AHCYL2: variants seen among roughly 807,000 people sequenced by gnomAD.
AHCYL2 encodes the protein S-adenosylhomocysteine hydrolase-like protein 2.
AHCYL2 carries 28 observed loss-of-function variants against 81.4 expected under a neutral mutation model. The ratio of observed to expected loss-of-function variants is 0.34; its 90% CI spans 0.25 to 0.47. The LOEUF is 0.47. Among genes scored for constraint, AHCYL2 ranks in the 20% least tolerant of loss-of-function variants. The pLI is 1.00. For synonymous variants in AHCYL2, 272 were observed against 290.2 expected, an observed-to-expected ratio of 0.94 and a Z score of 0.64; for missense variants, 551 against 785.1, an observed-to-expected ratio of 0.70 and a Z score of 3.56.
At chr7:129,363,664 A>C (rs1480914592) in intron 1 of AHCYL2, among the ~76,000 whole-genome samples, 5 of 152,008 alleles carry the variant, frequency 3.3e-5, no homozygotes, top group African/African-American at 1.2e-4. Flanking sequence ...CAGCCTCCTG[A>C]GTAGCTGAGA....
intron 2 of AHCYL2, among the ~76,000 whole-genome samples, chr7:129,384,890 G>A (rs1413742490): frequency 6.6e-6 from 1 of 152,152 alleles, no homozygotes; most frequent in Non-Finnish European, 1.5e-5. Context: ...GCAGAACCCA[G>A]GTTGAAAAAC....
chr7:129,382,515 G>A (rs1312119821), intron 2 of AHCYL2, among the ~76,000 whole-genome samples: 3 of 152,152 alleles, frequency 2.0e-5, no homozygotes, highest in Non-Finnish European at 4.4e-5. Flanking sequence ...CATGAGAATC[G>A]CTTGAACCCA....
At chr7:129,355,782 C>A (rs1383137639) in intron 1 of AHCYL2, among the ~76,000 whole-genome samples, 1 of 151,958 alleles carries the variant, frequency 6.6e-6, no homozygotes, top group Non-Finnish European at 1.5e-5. Context: ...AGTATTTTAC[C>A]CTTGGATGTA....
chr7:129,230,573 C>CTT (rs536458674), intron 1 of AHCYL2, among the ~76,000 whole-genome samples: 15 of 135,062 alleles, frequency 1.1e-4, no homozygotes, highest in African/African-American at 1.3e-4. Context: ...CCTTCTAAAT[C>CTT]TTTTTTTTTT....
intron 1 of AHCYL2, among the ~76,000 whole-genome samples, chr7:129,243,871 G>GCATGAGCCACCATGCCTGGCCTTCA (rs2150693159): frequency 6.6e-6 from 1 of 152,282 alleles, no homozygotes; most frequent in African/African-American, 2.4e-5. Flanking sequence ...GGGATTACAG[G>GCATGAGCCACCATGCCTGGCCTTCA]CATGAGCCAC....
intron 5 of AHCYL2, among the ~76,000 whole-genome samples, chr7:129,397,535 A>G (rs1175056912): frequency 6.6e-6 from 1 of 152,212 alleles, no homozygotes; most frequent in Non-Finnish European, 1.5e-5. Flanking sequence ...ACAAATATCT[A>G]CCTATGTCTA....
intron 1 of AHCYL2, among the ~76,000 whole-genome samples, chr7:129,231,275 AG>A (rs1794428620): frequency 6.6e-6 from 1 of 152,120 alleles, no homozygotes; most frequent in South Asian, 2.1e-4. Flanking sequence ...TAGGAGCTGA[AG>A]TTGCAGTTGT....
chr7:129,321,743 G>GTTTTTTTTTTTTTTTTT, intron 1 of AHCYL2, among the ~76,000 whole-genome samples: 96 of 77,588 alleles, frequency 1.2e-3, no homozygotes, highest in Middle Eastern at 9.6e-3. Flanking sequence ...TTCTTTCTTT[G>GTTTTTTTTTTTTTTTTT]TTTTTTTTTT....
At chr7:129,411,728 C>G (rs990662950) in intron 11 of AHCYL2, among the ~76,000 whole-genome samples, 2 of 145,542 alleles carry the variant, frequency 1.4e-5, no homozygotes, top group African/African-American at 5.0e-5. Context: ...CATTGCACTC[C>G]AGCCTGGGCA....
In AHCYL2 at chr7:129,424,854, TCTTCAC is replaced by T; in HGVS notation, c.1561-16_1561-11del. 1.2e-6 allele frequency: 2 copies of T among 1,612,264 alleles called. No homozygotes were observed. The highest frequency in any genetic ancestry group is 1.7e-6 in the Non-Finnish European group (2 of 1,179,908). On this transcript the variant is annotated splice_polypyrimidine_tract_variant and intron_variant, in intron 13 of 16. Coordinates refer to ENST00000325006, the MANE Select transcript of AHCYL2 (RefSeq NM_015328.4). ...GCGACTTTGTCCTAATCCATTTGTGTCTTCACCTTTGATCACTAGGGCCGCCTGCTG... is the reference window on the plus strand; with the variant it reads ...GCGACTTTGTCCTAATCCATTTGTGTCTTTGATCACTAGGGCCGCCTGCTG...
intron 1 of AHCYL2, among the ~76,000 whole-genome samples, chr7:129,282,932 C>T (rs1796500111): frequency 6.6e-6 from 1 of 152,112 alleles, no homozygotes; most frequent in South Asian, 2.1e-4. Flanking sequence ...TCCCCAGGAT[C>T]CTTGGAATAC....
chr7:129,410,144 C>T (rs1468514932), intron 11 of AHCYL2: 56 of 1,591,914 alleles, frequency 3.5e-5, no homozygotes, highest in Middle Eastern at 1.7e-4. Context: ...TTGAGATGAA[C>T]GATTATTGGG....
chr7:129,395,516 A>G (rs1385855317), intron 4 of AHCYL2, among the ~76,000 whole-genome samples: 2 of 152,186 alleles, frequency 1.3e-5, no homozygotes, highest in African/African-American at 4.8e-5. Flanking sequence ...CTTACTTTGT[A>G]TCAGTGAACT....
At chr7:129,334,259 T>G (rs940979531) in intron 1 of AHCYL2, among the ~76,000 whole-genome samples, 7 of 152,240 alleles carry the variant, frequency 4.6e-5, no homozygotes, top group Non-Finnish European at 7.3e-5. Context: ...TAATCTGGGC[T>G]GTGGGAAGAT....
chr7:129,375,768 G>T (rs35464810), intron 1 of AHCYL2: 78 of 1,507,562 alleles, frequency 5.2e-5, no homozygotes, highest in Non-Finnish European at 6.8e-5. Flanking sequence ...CAAAAAGCTG[G>T]CTGGAACCAG....
chr7:129,229,228 C>T (rs1213509824), intron 1 of AHCYL2, among the ~76,000 whole-genome samples: 3 of 152,088 alleles, frequency 2.0e-5, no homozygotes, highest in Non-Finnish European at 4.4e-5. Flanking sequence ...CCACCATGCC[C>T]GGCTAATTTT....
intron 1 of AHCYL2, among the ~76,000 whole-genome samples, chr7:129,299,760 A>G (rs1797194307): frequency 6.6e-6 from 1 of 152,186 alleles, no homozygotes; most frequent in South Asian, 2.1e-4. Flanking sequence ...TACCTGTTCC[A>G]TCTCATCACC....
intron 1 of AHCYL2, among the ~76,000 whole-genome samples, chr7:129,296,206 A>G (rs932352621): frequency 2.3e-4 from 35 of 152,194 alleles, no homozygotes; most frequent in Admixed American, 3.3e-4. Flanking sequence ...AGGAGAAAAC[A>G]CATTTAGATG....
intron 1 of AHCYL2, among the ~76,000 whole-genome samples, chr7:129,247,524 T>C (rs1795103288): frequency 1.3e-5 from 2 of 152,224 alleles, no homozygotes; most frequent in Non-Finnish European, 2.9e-5. Flanking sequence ...GTCTTTTCAT[T>C]TTCCTGATGA....
Sources: allele counts gnomAD v4.1 joint callset (sites outside exome capture counted in the v4.1 genomes callset), GRCh38; gene constraint gnomAD v4.1.1; transcripts MANE v1.5; gene names NCBI Gene and HGNC (gene_info 2026-07-23, HGNC 2026-07-21).